The following SH3PXD2A variants were observed in gnomAD, a reference collection of about 807,000 sequenced individuals.
SH3PXD2A encodes the protein SH3 and PX domain-containing protein 2A.
In SH3PXD2A, 32 loss-of-function variants were observed where a neutral mutation model predicts 115.2. The observed-to-expected ratio is 0.28, with a 90% confidence interval of 0.21 to 0.37. The LOEUF (loss-of-function observed/expected upper bound fraction) is 0.37, where lower values mean the gene tolerates loss of function less well. Ranked by LOEUF, SH3PXD2A falls within the 10% of genes least tolerant of loss-of-function variation. SH3PXD2A has a pLI of 1.00. For missense variants in SH3PXD2A, 1,328 were observed against 1,498.7 expected (o/e 0.89, Z 1.88); for synonymous variants, 610 against 629.1 (o/e 0.97, Z 0.45).
At chr10:103,603,879 G>A in intron 14 of SH3PXD2A, 90 bp from the exon 15 acceptor site, 1 of 1,364,276 alleles carries the variant, frequency 7.3e-7, no homozygotes, top group Non-Finnish European at 9.6e-7. Context: ...TTGGCTCTGG[G>A]ATAAATTATC....
At chr10:103,776,248 C>A (rs1158031320) in intron 2 of SH3PXD2A, among the ~76,000 whole-genome samples, 20 of 151,994 alleles carry the variant, frequency 1.3e-4, no homozygotes, top group Non-Finnish European at 2.9e-5. Flanking sequence ...TAAAAATTAG[C>A]TGGGTGTGGT....
At chr10:103,816,672 G>C in intron 1 of SH3PXD2A, among the ~76,000 whole-genome samples, 1 of 152,084 alleles carries the variant, frequency 6.6e-6, no homozygotes, top group East Asian at 1.9e-4. Flanking sequence ...TAAGAGAAAT[G>C]AAAACTTACA....
At chr10:103,764,529 G>T (rs1172582013) in intron 3 of SH3PXD2A, among the ~76,000 whole-genome samples, 1 of 152,214 alleles carries the variant, frequency 6.6e-6, no homozygotes, top group Non-Finnish European at 1.5e-5. Flanking sequence ...TTGCATGGGA[G>T]CTGGAAGGTG....
chr10:103,802,984 A>G (rs1006301597), intron 1 of SH3PXD2A, among the ~76,000 whole-genome samples: 6 of 152,180 alleles, frequency 3.9e-5, no homozygotes, highest in Non-Finnish European at 4.4e-5. Context: ...TGGCATTTAG[A>G]CACCTTGCCA....
chr10:103,718,760 G>GACACACACACAC lies in SH3PXD2A; in HGVS notation c.398+5498_398+5509dup, dbSNP rs55844048. ...TGCTCCCCTCCCTCCCCCCAATCAG[G>GACACACACACAC]ACACACACACACACACACACACACA... On this transcript the variant is annotated intron_variant, in intron 5 of 14. Coordinates refer to ENST00000369774, the MANE Select transcript of SH3PXD2A (RefSeq NM_001394015.1). Among the ~76,000 whole-genome samples the GACACACACACAC allele has an allele frequency of 1.4e-3, 176 of 128,414 alleles. 2 individuals carry two copies. Among genetic ancestry groups the GACACACACACAC allele is most frequent in the East Asian group, 2.6e-3 (11 of 4,224 alleles). 84.2% of individuals were successfully genotyped at this position (128,414 alleles called of 152,430 possible).
chr10:103,765,852 A>T (rs2038748399), intron 3 of SH3PXD2A, among the ~76,000 whole-genome samples: 1 of 152,194 alleles, frequency 6.6e-6, no homozygotes, highest in Non-Finnish European at 1.5e-5. Context: ...AAGTCACCCC[A>T]TGTGAACTCC....
intron 1 of SH3PXD2A, among the ~76,000 whole-genome samples, chr10:103,801,786 C>A (rs2039150440): frequency 6.6e-6 from 1 of 151,280 alleles, no homozygotes; most frequent in Non-Finnish European, 1.5e-5. Context: ...TTACCGCAAC[C>A]TCTGCCTCCC....
At chr10:103,702,585 C>CTGTGTGTGCGTG (rs1554913245) in intron 5 of SH3PXD2A, among the ~76,000 whole-genome samples, 6 of 32,984 alleles carry the variant, frequency 1.8e-4, no homozygotes, top group Middle Eastern at 0.023. Context: ...AGATGTAAGC[C>CTGTGTGTGCGTG]TGTGTGTGTG....
chr10:103,770,412 G>A (rs578162723), intron 2 of SH3PXD2A, among the ~76,000 whole-genome samples: 1 of 152,246 alleles, frequency 6.6e-6, no homozygotes, highest in South Asian at 2.1e-4. Flanking sequence ...TCACTGTGAG[G>A]CTAGTCTCAA....
chr10:103,752,931 G>C (rs975143619), intron 3 of SH3PXD2A, among the ~76,000 whole-genome samples: 1 of 152,112 alleles, frequency 6.6e-6, no homozygotes, highest in African/African-American at 2.4e-5. Flanking sequence ...TAAGTGAAAG[G>C]TGACTGAGAA....
Position 103,795,514 on chromosome 10 carries a change from G to A in SH3PXD2A, c.153+5768C>T, listed in dbSNP as rs116094735. Among the ~76,000 whole-genome samples the A allele has an allele frequency of 9.3e-3, 1,411 of 152,222 alleles. 25 individuals are homozygous for A. Among genetic ancestry groups the A allele is most frequent in the African/African-American group, 0.028 (1,181 of 41,512 alleles). ...GCACTTGTCTGGGGAGAGAGTCTTT[G>A]GCTTTCATTAGAAGCATAAAAGAGT... On this transcript the variant is annotated intron_variant, in intron 2 of 14. Transcript: ENST00000369774.
chr10:103,768,592 G>C lies in SH3PXD2A; in HGVS notation c.154-1423C>G, dbSNP rs1169495111. Among the ~76,000 whole-genome samples the C allele has an allele frequency of 2.0e-5, 3 of 152,166 alleles. No homozygotes were observed. In the East Asian group the frequency reaches 5.8e-4, roughly 29 times the overall value. On this transcript the variant is annotated intron_variant, in intron 2 of 14. Transcript: ENST00000369774. ...GGAAGGGGAAGTCCTGGAGAGTTCT[G>C]TGCAGAGACAGACGATCTGCTTCAC...
chr10:103,819,009 T>C (rs1170593645), intron 1 of SH3PXD2A, among the ~76,000 whole-genome samples: 2 of 152,234 alleles, frequency 1.3e-5, no homozygotes, highest in East Asian at 3.8e-4. Context: ...AAATATTTGA[T>C]CCGGGCTTCC....
rs543095676 is a variant in SH3PXD2A, at chr10:103,803,530, CAAG to C, written c.73-2171_73-2169del. ...CTACCACTGTTATTCCCATATTGTA[CAAG>C]AAGAAGGTGAGGCTCAGAGAAGCTA... On this transcript the variant is annotated intron_variant, in intron 1 of 14. Transcript: ENST00000369774. Among the ~76,000 whole-genome samples, 404 of 152,224 alleles carry C rather than the reference CAAG, an allele frequency of 2.7e-3. 1 individual carries two copies. The highest frequency in any genetic ancestry group is 9.5e-3 in the African/African-American group (393 of 41,532).
At chr10:103,706,763 G>C (rs981821771) in intron 5 of SH3PXD2A, among the ~76,000 whole-genome samples, 2 of 152,268 alleles carry the variant, frequency 1.3e-5, no homozygotes, top group African/African-American at 4.8e-5. Context: ...TCCCTGCCTG[G>C]CAGGATAGGC....
At chr10:103,818,278 G>A (rs2134286210) in intron 1 of SH3PXD2A, among the ~76,000 whole-genome samples, 2 of 152,302 alleles carry the variant, frequency 1.3e-5, no homozygotes, top group East Asian at 1.9e-4. Flanking sequence ...CTCCTCCGGT[G>A]CACAGCATGC....
Position 103,715,777 on chromosome 10 carries a change from T to C in SH3PXD2A, c.398+8493A>G, listed in dbSNP as rs149706590. ...GGCCAGACCTGGCATTCGACTGGGA[T>C]TGGGGATGTGGGGCTCCTGGAGGAG... On this transcript the variant is annotated intron_variant, in intron 5 of 14. Transcript: ENST00000369774. Among the ~76,000 whole-genome samples the C allele has an allele frequency of 4.5e-3, 692 of 152,328 alleles. 6 individuals carry two copies. Among genetic ancestry groups the C allele is most frequent in the African/African-American group, 0.015 (629 of 41,574 alleles).
chr10:103,765,460 T>C (rs573015219), intron 3 of SH3PXD2A, among the ~76,000 whole-genome samples: 3 of 152,324 alleles, frequency 2.0e-5, no homozygotes, highest in South Asian at 4.1e-4. Context: ...GCCTGAGCGT[T>C]CCGTAGATGA....
chr10:103,819,792 T>A (rs1739841235), intron 1 of SH3PXD2A, among the ~76,000 whole-genome samples: 1 of 150,800 alleles, frequency 6.6e-6, no homozygotes. Flanking sequence ...GGCTTGGCAA[T>A]GAGAGAGAGT....
Sources: allele counts gnomAD v4.1 joint callset (sites outside exome capture counted in the v4.1 genomes callset), GRCh38; gene constraint gnomAD v4.1.1; transcripts MANE v1.5; gene names NCBI Gene and HGNC (gene_info 2026-07-23, HGNC 2026-07-21).